The following SRBD1 variants were observed in gnomAD, a reference collection of about 807,000 sequenced individuals.
The protein encoded by SRBD1 is S1 RNA binding domain 1, also known as S1 RNA-binding domain-containing protein 1.
Under a neutral mutation model 115.3 loss-of-function variants are expected in SRBD1, and 88 were observed. That is an observed-to-expected ratio of 0.76 (90% CI 0.64 to 0.91). The LOEUF is 0.91. Ranked by LOEUF, SRBD1 falls within the 40% of genes least tolerant of loss-of-function variation. The probability of loss-of-function intolerance (pLI) is 0.00; values close to 1 mark genes in which losing one functional copy is unlikely to be tolerated. For synonymous variants in SRBD1, 509 were observed against 407.7 expected, an observed-to-expected ratio of 1.25 and a Z score of -2.99; for missense variants, 1,385 against 1,177.4, an observed-to-expected ratio of 1.18 and a Z score of -2.58.
At chr2:45,432,771 G>T (rs1053536927) in intron 16 of SRBD1, among the ~76,000 whole-genome samples, 2 of 151,972 alleles carry the variant, frequency 1.3e-5, no homozygotes, top group African/African-American at 4.8e-5. Flanking sequence ...AGGAAATCCT[G>T]GGACATTATA....
chr2:45,403,882 T>C (rs1254026819), intron 19 of SRBD1, among the ~76,000 whole-genome samples: 1 of 152,168 alleles, frequency 6.6e-6, no homozygotes, highest in Non-Finnish European at 1.5e-5. Context: ...CCCATATTCT[T>C]TGTACTCTTA....
chr2:45,389,090 T>G lies in SRBD1; in HGVS notation c.*220A>C. The G allele has an allele frequency of 1.8e-6, 1 of 554,408 alleles. No homozygotes were observed. The highest frequency in any genetic ancestry group is 3.1e-6 in the Non-Finnish European group (1 of 326,940). 34.3% of individuals were successfully genotyped at this position (554,408 alleles called of 1,614,324 possible). ...AAAACTATTACTACATAAAGCCATA[T>G]AAGAATGTGTATTAGTTGTTTCCTT... On this transcript the variant is annotated 3_prime_UTR_variant, in exon 21 of 21. Coordinates refer to ENST00000263736, the MANE Select transcript of SRBD1 (RefSeq NM_018079.5).
chr2:45,504,366 T>G (rs936802145), intron 14 of SRBD1, among the ~76,000 whole-genome samples: 3 of 152,126 alleles, frequency 2.0e-5, no homozygotes, highest in African/African-American at 7.2e-5. Context: ...CATTTTTTCA[T>G]CCAAATTCTT....
At chr2:45,430,422 C>T (rs901365515) in intron 16 of SRBD1, among the ~76,000 whole-genome samples, 1 of 152,174 alleles carries the variant, frequency 6.6e-6, no homozygotes, top group African/African-American at 2.4e-5. Context: ...ACCAAAACAG[C>T]ATGGTACTGG....
At chr2:45,390,093 CCTCA>C (rs1242968092) in intron 20 of SRBD1, among the ~76,000 whole-genome samples, 1 of 152,094 alleles carries the variant, frequency 6.6e-6, no homozygotes, top group Non-Finnish European at 1.5e-5. Flanking sequence ...GTTCTTTCTT[CCTCA>C]CTTCTTCCCA....
At chr2:45,497,661 T>C (rs1344558266) in intron 14 of SRBD1, among the ~76,000 whole-genome samples, 1 of 152,158 alleles carries the variant, frequency 6.6e-6, no homozygotes, top group Non-Finnish European at 1.5e-5. Flanking sequence ...AATTCACCCA[T>C]GTTAAGTGAA....
intron 14 of SRBD1, among the ~76,000 whole-genome samples, chr2:45,512,540 A>G (rs1037641462): frequency 2.0e-5 from 3 of 152,196 alleles, no homozygotes; most frequent in African/African-American, 4.8e-5. Flanking sequence ...ATTTACACCA[A>G]GGGCAAATAT....
intron 16 of SRBD1, among the ~76,000 whole-genome samples, chr2:45,444,884 GA>G: frequency 6.6e-6 from 1 of 152,330 alleles, no homozygotes; most frequent in Admixed American, 6.5e-5. Context: ...CTTCTGGCAT[GA>G]AAGTAAGCCT....
chr2:45,500,392 T>C (rs537220152), intron 14 of SRBD1, among the ~76,000 whole-genome samples: 1 of 152,140 alleles, frequency 6.6e-6, no homozygotes, highest in East Asian at 1.9e-4. Context: ...TCGATTTCTT[T>C]TCCAGATTGC....
intron 16 of SRBD1, among the ~76,000 whole-genome samples, chr2:45,437,990 GTAACAT>G (rs1668552093): frequency 2.0e-5 from 3 of 152,086 alleles, no homozygotes; most frequent in African/African-American, 7.2e-5. Flanking sequence ...CCCATAATGT[GTAACAT>G]TATACCATAA....
intron 14 of SRBD1, among the ~76,000 whole-genome samples, chr2:45,519,612 A>C (rs2103950398): frequency 6.6e-6 from 1 of 152,266 alleles, no homozygotes; most frequent in East Asian, 1.9e-4. Context: ...AGTAATTCCG[A>C]CAACTGCAGT....
At chr2:45,520,643 G>A (rs914598908) in intron 14 of SRBD1, among the ~76,000 whole-genome samples, 2 of 151,994 alleles carry the variant, frequency 1.3e-5, no homozygotes, top group Non-Finnish European at 2.9e-5. Flanking sequence ...AGGAGCAGAT[G>A]AAGAGACAAG....
At chr2:45,488,431 A>G in intron 14 of SRBD1, 100 bp from the exon 15 acceptor site, 1 of 837,814 alleles carries the variant, frequency 1.2e-6, no homozygotes, top group Non-Finnish European at 1.9e-6. Flanking sequence ...AAAAAAAATA[A>G]CAGGGCAAAC....
At chr2:45,414,881 T>C (rs1667758397) in intron 18 of SRBD1, among the ~76,000 whole-genome samples, 1 of 142,818 alleles carries the variant, frequency 7.0e-6, no homozygotes, top group African/African-American at 2.8e-5. Flanking sequence ...CAATATAGTG[T>C]GTATATAGTA....
chr2:45,447,059 T>C (rs1245360326), intron 16 of SRBD1: 1 of 152,262 alleles, frequency 6.6e-6, no homozygotes, highest in African/African-American at 2.4e-5. Context: ...ATGTTTTCTA[T>C]CTGCATAATG....
chr2:45,481,964 T>A lies in SRBD1; in HGVS notation c.1967-4889A>T, dbSNP rs74358316. Among the ~76,000 whole-genome samples, 921 of 152,186 alleles carry A rather than the reference T, an allele frequency of 6.1e-3. 7 individuals are homozygous for A. Among genetic ancestry groups the A allele is most frequent in the African/African-American group, 0.022 (894 of 41,526 alleles). ...GTTTGCCAGGAGTTTGGGTGGTGAG[T>A]GAAGACAGTAAAGGAAGTGATTGCT... On this transcript the variant is annotated intron_variant, in intron 15 of 20. Transcript: ENST00000263736.
At chr2:45,549,469 C>T (rs1294106351) in intron 12 of SRBD1, among the ~76,000 whole-genome samples, 2 of 150,224 alleles carry the variant, frequency 1.3e-5, no homozygotes, top group African/African-American at 4.9e-5. Flanking sequence ...TTTTTTTAAG[C>T]AAAAAAATTT....
chr2:45,449,947 C>T (rs1297744069), intron 16 of SRBD1, among the ~76,000 whole-genome samples: 1 of 152,154 alleles, frequency 6.6e-6, no homozygotes, highest in South Asian at 2.1e-4. Flanking sequence ...TTGTATGTCA[C>T]AGCCCTCTCT....
At chr2:45,446,680 T>A (rs1282209271) in intron 16 of SRBD1, among the ~76,000 whole-genome samples, 1 of 150,520 alleles carries the variant, frequency 6.6e-6, no homozygotes, top group Admixed American at 6.6e-5. Flanking sequence ...GACATGAGCA[T>A]CTAGGCATAT....
Sources: gnomAD v4.1 joint callset for allele counts (sites outside exome capture counted in the v4.1 genomes callset) on GRCh38, gnomAD v4.1.1 for gene constraint, MANE v1.5 for transcripts, NCBI Gene and HGNC (gene_info 2026-07-23, HGNC 2026-07-21) for gene names.